The following TOPAZ1 variants were observed in gnomAD, a reference collection of about 807,000 sequenced individuals.
The protein encoded by TOPAZ1 is testis and ovary specific TOPAZ 1.
Under a neutral mutation model 172.2 loss-of-function variants are expected in TOPAZ1, and 66 were observed. The ratio of observed to expected loss-of-function variants is 0.38; its 90% CI spans 0.31 to 0.47. The LOEUF (loss-of-function observed/expected upper bound fraction) is 0.47, where lower values mean the gene tolerates loss of function less well. Ranked by LOEUF, TOPAZ1 falls within the 20% of genes least tolerant of loss-of-function variation. The probability of loss-of-function intolerance (pLI) is 0.99; values close to 1 mark genes in which losing one functional copy is unlikely to be tolerated. For synonymous variants in TOPAZ1, 681 were observed against 683.9 expected (o/e 1.00, Z 0.07); for missense variants, 1,822 against 1,972.4 (o/e 0.92, Z 1.44).
Position 44,309,833 on chromosome 3 carries a change from G to A in TOPAZ1, c.4149G>A (p.Lys1383=), listed in dbSNP as rs1347220261. 2 of 1,508,084 alleles carry A rather than the reference G, an allele frequency of 1.3e-6. No homozygotes were observed. The highest frequency in any genetic ancestry group is 1.8e-6 in the Non-Finnish European group (2 of 1,123,056). The allele number at this position is 1,508,084 out of a possible 1,614,324, so 93.4% of individuals were successfully genotyped here. The part of the protein sequence containing the change: ...HKLLQWSKGR[K]VLEKLYELKI... Reference sequence around the variant, plus strand: ...CTTTATTTTTATTCTAGGGAAGGAAGGTCTTAGAGAAACTATATGAATTAA... The same window carrying A: ...CTTTATTTTTATTCTAGGGAAGGAAAGTCTTAGAGAAACTATATGAATTAA... Residue 1383 remains lysine, a synonymous_variant, in exon 16 of 20, where the codon AAG becomes AAA. Coordinates refer to ENST00000309765, the MANE Select transcript of TOPAZ1 (RefSeq NM_001145030.2).
In TOPAZ1 at chr3:44,241,900, G is replaced by GC; in HGVS notation, c.-150dup. 1.4e-6 allele frequency: 1 copy of GC among 720,736 alleles called. No homozygotes were observed. The highest frequency in any genetic ancestry group is 2.2e-6 in the Non-Finnish European group (1 of 459,742). The allele number at this position is 720,736 out of a possible 1,614,324, so 44.6% of individuals were successfully genotyped here. A position where few individuals can be genotyped will look rare whatever the true frequency, so the allele number is the denominator to read the frequency against. The stretch of plus-strand genomic sequence containing the variant: ...CACGAGGCCCCACTTCCGCTTACGC[G>GC]CCCCACTTCCGCTTCCGGCCCCGGG... On this transcript the variant is annotated 5_prime_UTR_variant, in exon 1 of 20. Transcript: ENST00000309765.
At position 44,306,307 on chromosome 3, in the gene TOPAZ1, A is replaced by G; in HGVS notation, c.4040-19A>G. The G allele has an allele frequency of 6.9e-7, 1 of 1,445,884 alleles. No homozygotes were observed. Among genetic ancestry groups the G allele is most frequent in the South Asian group, 1.2e-5 (1 of 80,370 alleles). 89.6% of individuals were successfully genotyped at this position (1,445,884 alleles called of 1,614,324 possible). On this transcript the variant is annotated intron_variant, in intron 14 of 19. Coordinates refer to ENST00000309765, the MANE Select transcript of TOPAZ1 (RefSeq NM_001145030.2). ...AAGTGACTATTTTATTTTCTTTTGT[A>G]TGCCTATTTGTGTTTCAGTTAGCAA...
In TOPAZ1 at chr3:44,244,633, A is replaced by C. The variant is rs1273161486; in HGVS notation, c.2127A>C (p.Arg709Ser). The C allele has an allele frequency of 6.4e-7, 1 of 1,551,416 alleles. No individual in the cohort carries two copies. Among genetic ancestry groups the C allele is most frequent in the East Asian group, 2.4e-5 (1 of 40,910 alleles). ...RKEVNAKSSE[R>S]EAYSPLELLD... ...AAGTAAATGCCAAGTCATCAGAGAG[A>C]GAAGCTTACAGTCCTCTAGAACTTC... The change falls in exon 2 of 20, where the codon AGA becomes AGC. Residue 709 changes from arginine to serine, a missense_variant. Coordinates refer to ENST00000309765, the MANE Select transcript of TOPAZ1 (RefSeq NM_001145030.2).
At position 44,306,284 on chromosome 3, in the gene TOPAZ1, G is replaced by A. The variant is rs192049780; in HGVS notation, c.4040-42G>A. The stretch of plus-strand genomic sequence containing the variant: ...TAGTTTGCCTCTTCCATCATTTTAA[G>A]TGACTATTTTATTTTCTTTTGTATG... On this transcript the variant is annotated intron_variant, in intron 14 of 19. Coordinates refer to ENST00000309765, the MANE Select transcript of TOPAZ1 (RefSeq NM_001145030.2). The A allele has an allele frequency of 5.4e-5, 70 of 1,287,668 alleles. No individual in the cohort carries two copies. The African/African-American group carries it at 8.7e-4, about 16-fold the overall frequency. 79.8% of individuals were successfully genotyped at this position (1,287,668 alleles called of 1,614,324 possible). A position where few individuals can be genotyped will look rare whatever the true frequency, so the allele number is the denominator to read the frequency against.
chr3:44,250,193 G>A (rs1425678228), intron 2 of TOPAZ1, among the ~76,000 whole-genome samples: 1 of 143,306 alleles, frequency 7.0e-6, no homozygotes, highest in African/African-American at 2.6e-5. Flanking sequence ...TTCCCCAAGA[G>A]AGGACTTCTA....
intron 16 of TOPAZ1, among the ~76,000 whole-genome samples, chr3:44,310,296 T>G (rs1235156130): frequency 6.6e-6 from 1 of 152,138 alleles, no homozygotes; most frequent in African/African-American, 2.4e-5. Flanking sequence ...GTCAGGAGTT[T>G]GAGACCAGCC....
chr3:44,273,405 T>G lies in TOPAZ1; in HGVS notation c.3372+2595T>G, dbSNP rs142436352. Among the ~76,000 whole-genome samples, 398 of 152,290 alleles carry G rather than the reference T, an allele frequency of 2.6e-3. 5 individuals are homozygous for G. The highest frequency in any genetic ancestry group is 9.3e-3 in the African/African-American group (385 of 41,552). On this transcript the variant is annotated intron_variant, in intron 8 of 19. Transcript: ENST00000309765. ...CTAATATAGCAAGAGCCAGAGTTTC[T>G]TACATCTTCTTTTTGTTTTCAATCT... is the stretch of plus-strand genomic sequence containing the variant.
chr3:44,250,940 T>C (rs1317997423), intron 2 of TOPAZ1, among the ~76,000 whole-genome samples: 4 of 152,138 alleles, frequency 2.6e-5, no homozygotes, highest in African/African-American at 7.2e-5. Context: ...ACCCCTGCCT[T>C]GATGAATTGG....
intron 2 of TOPAZ1, among the ~76,000 whole-genome samples, chr3:44,250,681 A>G (rs897240274): frequency 6.6e-6 from 1 of 152,096 alleles, no homozygotes; most frequent in Admixed American, 6.5e-5. Context: ...CTTCCTATAT[A>G]TTTAATTCAA....
chr3:44,242,025 G>T lies in TOPAZ1; in HGVS notation c.-29G>T, dbSNP rs1699482185. 6.5e-7 allele frequency: 1 copy of T among 1,534,102 alleles called. No individual in the cohort carries two copies. Among genetic ancestry groups the T allele is most frequent in the African/African-American group, 1.4e-5 (1 of 72,720 alleles). On this transcript the variant is annotated 5_prime_UTR_variant, in exon 1 of 20. It adds an upstream start codon to the 5' untranslated region. Transcript: ENST00000309765. The stretch of plus-strand genomic sequence containing the variant: ...GTGGGTTCCTGCGAGCTGGTGCAGA[G>T]GGGCCCCAGCGGGCCGGCCCCGGGG...
intron 16 of TOPAZ1, among the ~76,000 whole-genome samples, chr3:44,310,605 T>C (rs1700388063): frequency 6.6e-6 from 1 of 152,224 alleles, no homozygotes; most frequent in Non-Finnish European, 1.5e-5. Context: ...TTTGGAACTA[T>C]TAAAATCCCC....
In TOPAZ1 at chr3:44,299,209, C is replaced by T. The variant is rs1559542059; in HGVS notation, c.3798-4806C>T. On this transcript the variant is annotated intron_variant, in intron 12 of 19. Coordinates refer to ENST00000309765, the MANE Select transcript of TOPAZ1 (RefSeq NM_001145030.2). ...GTGCTGAGATTACAGGCATGAGCCA[C>T]CGTGCCCAGCTGAGAATATATTTTG... is the stretch of plus-strand genomic sequence containing the variant. 3.3e-5 allele frequency among the ~76,000 whole-genome samples: 5 copies of T among 151,820 alleles called. No individual in the cohort carries two copies. The South Asian group carries it at 1.0e-3, about 32-fold the overall frequency.
Position 44,244,434 on chromosome 3 carries a change from C to G in TOPAZ1, c.1928C>G (p.Ala643Gly), listed in dbSNP as rs772641733. ...RGNLTKLNLT[A>G]TSKDGQEANN... ...AATTTAACGAAACTTAATTTGACAG[C>G]GACTTCCAAAGATGGTCAGGAAGCA... is the stretch of plus-strand genomic sequence containing the variant. The change falls in exon 2 of 20, where the codon GCG becomes GGG. Residue 643 changes from alanine (A) to glycine (G), a missense_variant. Physicochemically the swap from Ala to Gly is moderately conservative, Grantham distance 60 (BLOSUM62 0). Coordinates refer to ENST00000309765, the MANE Select transcript of TOPAZ1 (RefSeq NM_001145030.2). The G allele has an allele frequency of 3.2e-6, 5 of 1,551,258 alleles. No individual in the cohort carries two copies. Among genetic ancestry groups the G allele is most frequent in the Non-Finnish European group, 4.4e-6 (5 of 1,146,864 alleles).
chr3:44,325,643 C>CTT (rs747058832), intron 18 of TOPAZ1, among the ~76,000 whole-genome samples: 1 of 144,192 alleles, frequency 6.9e-6, no homozygotes. Flanking sequence ...TAGTGACTGG[C>CTT]TTTTTTTTTT....
At chr3:44,321,781 G>C (rs144541005) in intron 17 of TOPAZ1, among the ~76,000 whole-genome samples, 200 of 152,222 alleles carry the variant, frequency 1.3e-3, no homozygotes, top group African/African-American at 4.6e-3. Context: ...TAATTCCACT[G>C]TGCTCCTGTA....
intron 17 of TOPAZ1, among the ~76,000 whole-genome samples, chr3:44,321,478 T>G (rs1444096780): frequency 6.6e-6 from 1 of 152,212 alleles, no homozygotes; most frequent in Non-Finnish European, 1.5e-5. Context: ...ACAATATGTT[T>G]AAATGCCCTG....
chr3:44,249,179 A>G (rs1308172595), intron 2 of TOPAZ1, among the ~76,000 whole-genome samples: 4 of 151,312 alleles, frequency 2.6e-5, no homozygotes, highest in African/African-American at 7.3e-5. Context: ...GATACCATAC[A>G]GTGGATTGTT....
intron 11 of TOPAZ1, among the ~76,000 whole-genome samples, chr3:44,289,482 A>ATT (rs11387976): frequency 9.2e-5 from 14 of 151,604 alleles, no homozygotes; most frequent in Middle Eastern, 3.4e-3. Context: ...TTTTTACAGG[A>ATT]TTTTTTTTTA....
chr3:44,279,360 ATGTT>A (rs1256179379), intron 8 of TOPAZ1, among the ~76,000 whole-genome samples: 2 of 152,100 alleles, frequency 1.3e-5, no homozygotes, highest in South Asian at 2.1e-4. Context: ...TTTAAAACTA[ATGTT>A]TGTTTGTTAA....
Sources: gnomAD v4.1 joint callset for allele counts (sites outside exome capture counted in the v4.1 genomes callset) on GRCh38, gnomAD v4.1.1 for gene constraint, MANE v1.5 for transcripts, NCBI Gene and HGNC (gene_info 2026-07-23, HGNC 2026-07-21) for gene names.